Variants in FBXO25 observed in about 807,000 individuals in gnomAD.
The protein encoded by FBXO25 is F-box protein 25.
In FBXO25, 45 loss-of-function variants were observed where a neutral mutation model predicts 51.9. The observed-to-expected ratio is 0.87, with a 90% CI of 0.68 to 1.11. The LOEUF (loss-of-function observed/expected upper bound fraction) is 1.11. FBXO25 is among the 50% of genes most tolerant of loss of function. The probability of loss-of-function intolerance (pLI) is 0.00; values close to 1 mark genes in which losing one functional copy is unlikely to be tolerated. For missense variants in FBXO25, 507 were observed against 428.5 expected (o/e 1.18, Z -1.62); for synonymous variants, 199 against 151.0 (o/e 1.32, Z -2.33).
rs185103440 is a variant in FBXO25, at chr8:434,344, G to T, written c.289-1271G>T. On this transcript the variant is annotated intron_variant, in intron 4 of 9. Transcript: ENST00000350302. ...GTAAGATGGGTGGTGACCTTGGAAA[G>T]TGCCTGCTGCACCATCGTGTGGAAT... Among the ~76,000 whole-genome samples the T allele has an allele frequency of 5.9e-5, 9 of 152,312 alleles. No homozygotes were observed. The East Asian group carries it at 1.7e-3, about 29-fold the overall frequency.
intron 1 of FBXO25, among the ~76,000 whole-genome samples, chr8:412,806 G>C (rs1300803808): frequency 1.3e-5 from 2 of 152,116 alleles, no homozygotes; most frequent in African/African-American, 4.8e-5. Flanking sequence ...TTGTTTTTCA[G>C]GTATGAGCTA....
chr8:477,892 C>A lies in FBXO25; in HGVS notation c.*9088C>A, dbSNP rs1486365518. The A allele has an allele frequency of 2.0e-5, 3 of 152,140 alleles. No homozygotes were observed. The highest frequency in any genetic ancestry group is 2.9e-5 in the Non-Finnish European group (2 of 68,024). 9.4% of individuals were successfully genotyped at this position (152,140 alleles called of 1,614,324 possible). On this transcript the variant is annotated 3_prime_UTR_variant, in exon 10 of 10. Coordinates refer to ENST00000350302, the MANE Select transcript of FBXO25 (RefSeq NM_183420.2). ...AAACAGCTGGTGGGCCCAATTTTGG[C>A]CTGTATTTCACTTGCCAACCTGATT...
At chr8:409,012 T>G (rs1286128627) in intron 1 of FBXO25, among the ~76,000 whole-genome samples, 1 of 152,214 alleles carries the variant, frequency 6.6e-6, no homozygotes, top group African/African-American at 2.4e-5. Context: ...TTCACATTTT[T>G]TAGCTGAACA....
At chr8:449,154 AAC>A (rs1798919090) in intron 5 of FBXO25, among the ~76,000 whole-genome samples, 2 of 152,244 alleles carry the variant, frequency 1.3e-5, no homozygotes, top group African/African-American at 4.8e-5. Flanking sequence ...GCACACCTAA[AAC>A]AGAGATTTAC....
chr8:467,799 G>A lies in FBXO25; in HGVS notation c.988-916G>A, dbSNP rs377588678. 3.9e-4 allele frequency: 632 copies of A among 1,608,494 alleles called. 2 individuals carry two copies. Among genetic ancestry groups the A allele is most frequent in the Non-Finnish European group, 2.8e-4 (328 of 1,175,206 alleles). ...GTGTTCGGGATGAAAACGTTGCATC[G>A]TGCTGCATCTCATGCACGTCATCTT... On this transcript the variant is annotated intron_variant, in intron 9 of 9. Coordinates refer to ENST00000350302, the MANE Select transcript of FBXO25 (RefSeq NM_183420.2).
chr8:435,952 C>T (rs951979917), intron 5 of FBXO25, among the ~76,000 whole-genome samples: 1 of 152,192 alleles, frequency 6.6e-6, no homozygotes, highest in Admixed American at 6.5e-5. Flanking sequence ...CCCTGTGGCT[C>T]TGTGGTTGCT....
In FBXO25 at chr8:440,617, T is replaced by A. The variant is rs1362434243; in HGVS notation, c.381+4910T>A. Among the ~76,000 whole-genome samples the A allele has an allele frequency of 7.9e-5, 12 of 152,140 alleles. No individual in the cohort carries two copies. The South Asian group carries it at 1.5e-3, about 18-fold the overall frequency. ...ATTTTTTAAATTATACTTTAAGTTCTGGTATACATGTGCTCAATGTGCAGG... is the reference window on the plus strand; with the variant it reads ...ATTTTTTAAATTATACTTTAAGTTCAGGTATACATGTGCTCAATGTGCAGG... On this transcript the variant is annotated intron_variant, in intron 5 of 9. Transcript: ENST00000350302.
intron 9 of FBXO25, chr8:468,170 G>A: frequency 9.8e-7 from 1 of 1,020,240 alleles, no homozygotes; most frequent in Non-Finnish European, 1.2e-6. Context: ...ATATAATTCT[G>A]GATCCTTAGG....
chr8:474,559 A>G lies in FBXO25; in HGVS notation c.*5755A>G, dbSNP rs1295376033. On this transcript the variant is annotated 3_prime_UTR_variant, in exon 10 of 10. Coordinates refer to ENST00000350302, the MANE Select transcript of FBXO25 (RefSeq NM_183420.2). ...ACATCCTTGCCAACACCTGTTTTTA[A>G]TAATTGCCATCCTAATGAGTGTGAA... 2.8e-6 allele frequency: 1 copy of G among 352,018 alleles called. No homozygotes were observed. The highest frequency in any genetic ancestry group is 2.2e-5 in the African/African-American group (1 of 46,224). 21.8% of individuals were successfully genotyped at this position (352,018 alleles called of 1,614,324 possible).
chr8:423,153 G>A (rs1428867128), intron 2 of FBXO25, among the ~76,000 whole-genome samples: 2 of 151,002 alleles, frequency 1.3e-5, no homozygotes, highest in African/African-American at 4.9e-5. Context: ...TGGGACTACA[G>A]GGTTTTCTCT....
Position 451,399 on chromosome 8 carries a change from A to G in FBXO25, c.606A>G (p.Arg202=). The G allele has an allele frequency of 6.2e-7, 1 of 1,614,000 alleles. No homozygotes were observed. Among genetic ancestry groups the G allele is most frequent in the Non-Finnish European group, 8.5e-7 (1 of 1,179,960 alleles). The change falls in exon 7 of 10, where the codon CGA becomes CGG. Residue 202 remains arginine (R), a synonymous_variant. Coordinates refer to ENST00000350302, the MANE Select transcript of FBXO25 (RefSeq NM_183420.2). The part of the protein sequence containing the change: ...LVGNINIWIC[R]LETILAWQQQ... The stretch of plus-strand genomic sequence containing the variant: ...GAAACATCAATATTTGGATTTGCCG[A>G]TTAGAAACTATTCTCGCCTGGCAAC...
intron 5 of FBXO25, among the ~76,000 whole-genome samples, chr8:442,586 C>T (rs374314083): frequency 1.1e-3 from 162 of 152,236 alleles, no homozygotes; most frequent in African/African-American, 3.6e-3. Context: ...TCTCCTGCCT[C>T]AGCTTCCCGA....
intron 7 of FBXO25, 36 bp from the exon 8 acceptor site, chr8:458,333 T>C: frequency 1.3e-6 from 2 of 1,599,814 alleles, no homozygotes; most frequent in Non-Finnish European, 1.7e-6. Flanking sequence ...ACATTGGCCA[T>C]CTTCTCAGTG....
chr8:464,431 C>T (rs187289295), intron 9 of FBXO25, among the ~76,000 whole-genome samples: 7 of 152,284 alleles, frequency 4.6e-5, no homozygotes, highest in Admixed American at 6.5e-5. Context: ...GGCTGCTCTG[C>T]GGAGGGAGTC....
intron 9 of FBXO25, among the ~76,000 whole-genome samples, chr8:464,249 C>G: frequency 6.6e-6 from 1 of 152,248 alleles, no homozygotes; most frequent in East Asian, 1.9e-4. Context: ...AGCCATGGCA[C>G]CCGGCAATTA....
intron 5 of FBXO25, among the ~76,000 whole-genome samples, chr8:436,161 C>G (rs2117660615): frequency 6.6e-6 from 1 of 152,294 alleles, no homozygotes; most frequent in Admixed American, 6.5e-5. Context: ...TAGAATTCCA[C>G]AAAAGCCTTA....
At chr8:465,470 A>G (rs1333981745) in intron 9 of FBXO25, among the ~76,000 whole-genome samples, 1 of 152,114 alleles carries the variant, frequency 6.6e-6, no homozygotes, top group African/African-American at 2.4e-5. Context: ...ATGTGGTAGT[A>G]TTTTTCTTAG....
intron 1 of FBXO25, among the ~76,000 whole-genome samples, chr8:408,864 A>G (rs995867676): frequency 6.6e-6 from 1 of 152,220 alleles, no homozygotes; most frequent in Admixed American, 6.5e-5. Context: ...AAATTTGCAA[A>G]TTATACAAGC....
chr8:438,255 C>T (rs1449278665), intron 5 of FBXO25, among the ~76,000 whole-genome samples: 1 of 152,026 alleles, frequency 6.6e-6, no homozygotes, highest in African/African-American at 2.4e-5. Context: ...GATGGGGTTT[C>T]GCCATTTTGG....
Sources: gnomAD v4.1 joint callset for allele counts (sites outside exome capture counted in the v4.1 genomes callset) on GRCh38, gnomAD v4.1.1 for gene constraint, MANE v1.5 for transcripts, NCBI Gene and HGNC (gene_info 2026-07-23, HGNC 2026-07-21) for gene names.